The following YIPF5 variants were observed in gnomAD, a reference collection of about 807,000 sequenced individuals.
YIPF5 encodes the protein Yip1 domain family member 5, also known as protein YIPF5.
Under a neutral mutation model 30.4 loss-of-function variants are expected in YIPF5, and 8 were observed. The ratio of observed to expected loss-of-function variants is 0.26; its 90% CI spans 0.15 to 0.47. The LOEUF (loss-of-function observed/expected upper bound fraction) is 0.47. YIPF5 is among the 20% of genes least tolerant of loss of function. The pLI is 0.99. For synonymous variants in YIPF5, 104 were observed against 107.9 expected, an observed-to-expected ratio of 0.96 and a Z score of 0.23; for missense variants, 282 against 301.8, an observed-to-expected ratio of 0.93 and a Z score of 0.49.
In YIPF5 at chr5:144,159,551, G is replaced by C; in HGVS notation, c.*846C>G. 1.0e-6 allele frequency: 1 copy of C among 985,312 alleles called. No homozygotes were observed. Among genetic ancestry groups the C allele is most frequent in the African/African-American group, 1.7e-5 (1 of 57,298 alleles). The allele number at this position is 985,312 out of a possible 1,614,324, so 61.0% of individuals were successfully genotyped here. A position where few individuals can be genotyped will look rare whatever the true frequency, so the allele number is the denominator to read the frequency against. ...CTCTGAATTTTAGCAAAAATTCCAT[G>C]AGATAATTTACAGTAATGTCAAATT... On this transcript the variant is annotated 3_prime_UTR_variant, in exon 6 of 6. Transcript: ENST00000274496.
At position 144,158,390 on chromosome 5, in the gene YIPF5, C is replaced by A. The variant is rs1340448165; in HGVS notation, c.*2007G>T. The A allele has an allele frequency of 1.6e-6, 2 of 1,216,820 alleles. No homozygotes were observed. The highest frequency in any genetic ancestry group is 2.1e-6 in the Non-Finnish European group (2 of 940,734). 75.4% of individuals were successfully genotyped at this position (1,216,820 alleles called of 1,614,324 possible). On this transcript the variant is annotated 3_prime_UTR_variant, in exon 6 of 6. Transcript: ENST00000274496. ...AAAAAATAACCACCACAAAAAAAAT[C>A]TCTACAATAATTTAAACTAAAAATG...
chr5:144,158,824 C>T lies in YIPF5; in HGVS notation c.*1573G>A. 1 of 984,994 alleles carries T rather than the reference C, an allele frequency of 1.0e-6. No individual in the cohort carries two copies. The highest frequency in any genetic ancestry group is 1.2e-6 in the Non-Finnish European group (1 of 829,604). 61.0% of individuals were successfully genotyped at this position (984,994 alleles called of 1,614,324 possible). ...GTGAATCAATAAATATGTTATTTCT[C>T]TCAACCTCTTTTTATGCTTTGAAAA... On this transcript the variant is annotated 3_prime_UTR_variant, in exon 6 of 6. Coordinates refer to ENST00000274496, the MANE Select transcript of YIPF5 (RefSeq NM_030799.9).
At position 144,159,468 on chromosome 5, in the gene YIPF5, TGTAA is replaced by T. The variant is rs1751964835; in HGVS notation, c.*925_*928del. On this transcript the variant is annotated 3_prime_UTR_variant, in exon 6 of 6. Coordinates refer to ENST00000274496, the MANE Select transcript of YIPF5 (RefSeq NM_030799.9). ...CCCTAAGGTTGAGTTAACATTAATA[TGTAA>T]GTAAGTGTTCGCATTTCATGTCTAC... is the stretch of plus-strand genomic sequence containing the variant. 3.0e-6 allele frequency: 3 copies of T among 985,112 alleles called. No individual in the cohort carries two copies. Among genetic ancestry groups the T allele is most frequent in the Non-Finnish European group, 3.6e-6 (3 of 829,876 alleles). 61.0% of individuals were successfully genotyped at this position (985,112 alleles called of 1,614,324 possible).
intron 4 of YIPF5, among the ~76,000 whole-genome samples, chr5:144,163,133 A>G (rs1247711507): frequency 2.6e-5 from 4 of 152,240 alleles, no homozygotes; most frequent in African/African-American, 9.6e-5. Context: ...TATTCAGGTC[A>G]CACTATCACT....
chr5:144,167,815 G>A (rs6887645), intron 2 of YIPF5, among the ~76,000 whole-genome samples: 22,327 of 152,144 alleles, frequency 0.15, 1,822 homozygotes, highest in Admixed American at 0.24. Context: ...TATGCTATTT[G>A]CACCTAGATT....
rs1580752310 is a variant in YIPF5, at chr5:144,159,501, A to T, written c.*896T>A. 4.4e-5 allele frequency: 31 copies of T among 697,224 alleles called. No individual in the cohort carries two copies. Among genetic ancestry groups the T allele is most frequent in the Non-Finnish European group, 5.3e-5 (31 of 581,994 alleles). The allele number at this position is 697,224 out of a possible 1,614,324, so 43.2% of individuals were successfully genotyped here. A position where few individuals can be genotyped will look rare whatever the true frequency, so the allele number is the denominator to read the frequency against. ...AGTGTTCGCATTTCATGTCTACAAT[A>T]AGGTAGATTGTGAACTTCCCGTATC... is the stretch of plus-strand genomic sequence containing the variant. On this transcript the variant is annotated 3_prime_UTR_variant, in exon 6 of 6. Transcript: ENST00000274496.
chr5:144,159,950 C>T lies in YIPF5; in HGVS notation c.*447G>A, dbSNP rs1319915002. On this transcript the variant is annotated 3_prime_UTR_variant, in exon 6 of 6. Transcript: ENST00000274496. ...GTCTCGATCTCCTGCCCTTGTGATC[C>T]GCCCGCCTCGGCCTCCCAAAGTGCT... is the stretch of plus-strand genomic sequence containing the variant. The T allele has an allele frequency of 1.5e-5, 14 of 933,516 alleles. No individual in the cohort carries two copies. Among genetic ancestry groups the T allele is most frequent in the South Asian group, 9.8e-5 (2 of 20,324 alleles). 57.8% of individuals were successfully genotyped at this position (933,516 alleles called of 1,614,324 possible).
intron 5 of YIPF5, among the ~76,000 whole-genome samples, chr5:144,161,902 G>C (rs1752058469): frequency 6.6e-6 from 1 of 152,080 alleles, no homozygotes; most frequent in Non-Finnish European, 1.5e-5. Context: ...AGCATAATTT[G>C]AACACTAATG....
chr5:144,169,989 ATATTCCT>A, intron 1 of YIPF5, 24 bp from the exon 2 acceptor site: 1 of 1,575,548 alleles, frequency 6.3e-7, no homozygotes, highest in Non-Finnish European at 8.7e-7. Flanking sequence ...GAAATGGCAA[ATATTCCT>A]TATGCCCAAG....
At chr5:144,166,226 T>C (rs966609828) in intron 2 of YIPF5, among the ~76,000 whole-genome samples, 4 of 152,200 alleles carry the variant, frequency 2.6e-5, no homozygotes, top group African/African-American at 4.8e-5. Context: ...ATTTGAATAG[T>C]ACTTTAGCAA....
At chr5:144,164,318 A>G in intron 3 of YIPF5, 62 bp from the exon 4 acceptor site, 1 of 1,459,008 alleles carries the variant, frequency 6.9e-7, no homozygotes. Context: ...ATTCATCAAA[A>G]TCTATCCTGA....
chr5:144,162,361 A>C lies in YIPF5; in HGVS notation c.468T>G (p.Ser156Arg). ...AAAACATTCCTAGACATCCAATTGC[A>C]CTGATCCCGTATACATAGCCAAACT... ...KIQFGYVYGI[S>R]AIGCLGMFCL... Residue 156 changes from serine to arginine, a missense_variant, in exon 5 of 6, where the codon AGT becomes AGG. Transcript: ENST00000274496. 6.8e-6 allele frequency: 11 copies of C among 1,613,986 alleles called. No individual in the cohort carries two copies. The highest frequency in any genetic ancestry group is 9.3e-6 in the Non-Finnish European group (11 of 1,179,916).
At chr5:144,170,223 G>A (rs1752334931) in intron 1 of YIPF5, 1 of 448,126 alleles carries the variant, frequency 2.2e-6, no homozygotes, top group Non-Finnish European at 4.1e-6. Context: ...GGGCGAGGTC[G>A]TGGGAGTTGT....
At chr5:144,164,384 T>C (rs1752139880) in intron 3 of YIPF5, 128 bp from the exon 4 acceptor site, 1 of 738,646 alleles carries the variant, frequency 1.4e-6, no homozygotes, top group African/African-American at 1.8e-5. Context: ...TTGGATGATA[T>C]TATTATTATT....
chr5:144,164,022 G>T, intron 4 of YIPF5, 89 bp downstream of exon 4: 1 of 1,515,486 alleles, frequency 6.6e-7, no homozygotes, highest in Non-Finnish European at 9.0e-7. Context: ...GAGGTGTAAA[G>T]CGGAGTTTCA....
chr5:144,163,540 T>A (rs749788463), intron 4 of YIPF5, among the ~76,000 whole-genome samples: 9 of 152,214 alleles, frequency 5.9e-5, no homozygotes, highest in Non-Finnish European at 1.2e-4. Context: ...CCAGCTCTTA[T>A]GACTAAAAAT....
chr5:144,159,244 TA>T lies in YIPF5; in HGVS notation c.*1152del, dbSNP rs1751957366. On this transcript the variant is annotated 3_prime_UTR_variant, in exon 6 of 6. Transcript: ENST00000274496. The stretch of plus-strand genomic sequence containing the variant: ...AGAGACAAAGAGAACAGTAGTTTAG[TA>T]AAAGTAAATTCAATAACACAGTTAA... The T allele has an allele frequency of 3.1e-6, 3 of 979,316 alleles. No individual in the cohort carries two copies. Among genetic ancestry groups the T allele is most frequent in the Non-Finnish European group, 3.6e-6 (3 of 824,424 alleles). 60.7% of individuals were successfully genotyped at this position (979,316 alleles called of 1,614,324 possible).
At position 144,158,461 on chromosome 5, in the gene YIPF5, A is replaced by C; in HGVS notation, c.*1936T>G. 1 of 1,273,456 alleles carries C rather than the reference A, an allele frequency of 7.9e-7. No individual in the cohort carries two copies. The highest frequency in any genetic ancestry group is 1.0e-6 in the Non-Finnish European group (1 of 983,872). The allele number at this position is 1,273,456 out of a possible 1,614,324, so 78.9% of individuals were successfully genotyped here. Reference sequence around the variant, plus strand: ...AACAAAAAAGAAAATAATTTGATCCATATGTGATATTTGGCTGAAGATTAA... The same window carrying C: ...AACAAAAAAGAAAATAATTTGATCCCTATGTGATATTTGGCTGAAGATTAA... On this transcript the variant is annotated 3_prime_UTR_variant, in exon 6 of 6. Coordinates refer to ENST00000274496, the MANE Select transcript of YIPF5 (RefSeq NM_030799.9).
Position 144,158,400 on chromosome 5 carries a change from A to C in YIPF5, c.*1997T>G. 8.1e-7 allele frequency: 1 copy of C among 1,236,466 alleles called. No homozygotes were observed. The highest frequency in any genetic ancestry group is 1.0e-6 in the Non-Finnish European group (1 of 957,700). 76.6% of individuals were successfully genotyped at this position (1,236,466 alleles called of 1,614,324 possible). The stretch of plus-strand genomic sequence containing the variant: ...CACCACAAAAAAAATCTCTACAATA[A>C]TTTAAACTAAAAATGTTGTTGAGGA... On this transcript the variant is annotated 3_prime_UTR_variant, in exon 6 of 6. Transcript: ENST00000274496.
Sources: gnomAD v4.1 joint callset for allele counts (sites outside exome capture counted in the v4.1 genomes callset) on GRCh38, gnomAD v4.1.1 for gene constraint, MANE v1.5 for transcripts, NCBI Gene and HGNC (gene_info 2026-07-23, HGNC 2026-07-21) for gene names.